NOS1AP: variants seen among roughly 807,000 people sequenced by gnomAD.
The protein encoded by NOS1AP is carboxyl-terminal PDZ ligand of neuronal nitric oxide synthase protein.
A neutral mutation model predicts 56.2 loss-of-function variants in NOS1AP; 21 were observed. The ratio of observed to expected loss-of-function variants is 0.37; its 90% CI spans 0.26 to 0.54. NOS1AP has a LOEUF of 0.54. Ranked by LOEUF, NOS1AP falls within the 20% of genes least tolerant of loss-of-function variation. The pLI, the probability that NOS1AP is intolerant of heterozygous loss-of-function variation, is 0.84. For missense variants in NOS1AP, 522 were observed against 657.8 expected (o/e 0.79, Z 2.26); for synonymous variants, 270 against 274.6 (o/e 0.98, Z 0.17).
chr1:162,264,320 G>T (rs947108624), intron 2 of NOS1AP, among the ~76,000 whole-genome samples: 1 of 151,814 alleles, frequency 6.6e-6, no homozygotes, highest in Non-Finnish European at 1.5e-5. Flanking sequence ...TTCCTTTGTA[G>T]CCTCTGTAAT....
At chr1:162,213,470 A>C (rs1652440065) in intron 2 of NOS1AP, among the ~76,000 whole-genome samples, 1 of 152,208 alleles carries the variant, frequency 6.6e-6, no homozygotes, top group South Asian at 2.1e-4. Context: ...CAAGAAGCAG[A>C]GACCTTTCAC....
chr1:162,150,653 A>G (rs1649669037), intron 1 of NOS1AP, among the ~76,000 whole-genome samples: 3 of 152,182 alleles, frequency 2.0e-5, no homozygotes, highest in Admixed American at 1.3e-4. Context: ...GATAAAAGTC[A>G]TTTTAACTGG....
chr1:162,096,373 C>T (rs902689509), intron 1 of NOS1AP, among the ~76,000 whole-genome samples: 1 of 152,068 alleles, frequency 6.6e-6, no homozygotes, highest in African/African-American at 2.4e-5. Context: ...GTAACTTTAC[C>T]AGTTGAACCA....
chr1:162,316,480 T>C (rs1656235073), intron 4 of NOS1AP, among the ~76,000 whole-genome samples: 1 of 152,198 alleles, frequency 6.6e-6, no homozygotes, highest in Admixed American at 6.5e-5. Context: ...AGTTAGCTCT[T>C]TGCTTTAGGG....
chr1:162,337,216 A>G (rs1656969907), intron 5 of NOS1AP, among the ~76,000 whole-genome samples: 1 of 152,206 alleles, frequency 6.6e-6, no homozygotes, highest in Non-Finnish European at 1.5e-5. Context: ...AGCTGCAGGC[A>G]TCTCCCCATT....
At chr1:162,076,284 C>G (rs1250126079) in intron 1 of NOS1AP, among the ~76,000 whole-genome samples, 2 of 152,280 alleles carry the variant, frequency 1.3e-5, no homozygotes, top group East Asian at 3.9e-4. Flanking sequence ...TGCCTTTTTG[C>G]CCTACCCTGC....
intron 2 of NOS1AP, among the ~76,000 whole-genome samples, chr1:162,268,420 T>C (rs1654491163): frequency 6.6e-6 from 1 of 152,284 alleles, no homozygotes; most frequent in Non-Finnish European, 1.5e-5. Flanking sequence ...TTTCTGCAAC[T>C]AGAAGGCCAG....
intron 2 of NOS1AP, among the ~76,000 whole-genome samples, chr1:162,162,667 G>A (rs1006744942): frequency 6.6e-6 from 1 of 152,004 alleles, no homozygotes; most frequent in Non-Finnish European, 1.5e-5. Flanking sequence ...AATTTGTTTT[G>A]GTTACATTAT....
At chr1:162,365,059 C>CGT (rs1438406429) in intron 8 of NOS1AP, 18 of 1,201,722 alleles carry the variant, frequency 1.5e-5, no homozygotes, top group Middle Eastern at 6.8e-4. Context: ...GAGCACCGTG[C>CGT]GTGTGTGTGT....
intron 3 of NOS1AP, 83 bp downstream of exon 3, chr1:162,287,519 C>G: frequency 1.1e-6 from 1 of 887,588 alleles, no homozygotes; most frequent in South Asian, 1.3e-5. Flanking sequence ...CTGGGCCCAC[C>G]TCCAGAGAGA....
intron 2 of NOS1AP, among the ~76,000 whole-genome samples, chr1:162,206,945 C>A (rs1652181995): frequency 6.6e-6 from 1 of 152,220 alleles, no homozygotes; most frequent in South Asian, 2.1e-4. Context: ...AGGAATTAAC[C>A]AGCACCCATT....
intron 5 of NOS1AP, among the ~76,000 whole-genome samples, chr1:162,339,569 A>G (rs1340732267): frequency 6.6e-6 from 1 of 152,194 alleles, no homozygotes; most frequent in East Asian, 1.9e-4. Context: ...GGTGGGAGCA[A>G]CTGCTTCACT....
chr1:162,308,300 A>G (rs999662411), intron 4 of NOS1AP, among the ~76,000 whole-genome samples: 1 of 152,240 alleles, frequency 6.6e-6, no homozygotes, highest in Non-Finnish European at 1.5e-5. Flanking sequence ...GGTGATCTGC[A>G]GCTGGTGAGT....
chr1:162,294,207 G>GGAAA (rs1212068259), intron 3 of NOS1AP, among the ~76,000 whole-genome samples: 3 of 150,072 alleles, frequency 2.0e-5, no homozygotes, highest in African/African-American at 7.4e-5. Context: ...AAGGAAGGAA[G>GGAAA]GAAGGAAGGA....
At position 162,328,068 on chromosome 1, in the gene NOS1AP, T is replaced by C. The variant is rs561917406; in HGVS notation, c.345-4949T>C. On this transcript the variant is annotated intron_variant, in intron 4 of 9. Coordinates refer to ENST00000361897, the MANE Select transcript of NOS1AP (RefSeq NM_014697.3). ...AGCTAGAAGATGGCAAAGCTAAGAC[T>C]TGAACCTGGATCTTTCTCATCCCCA... Among the ~76,000 whole-genome samples the C allele has an allele frequency of 2.0e-3, 302 of 152,334 alleles. 1 individual carries two copies. Among genetic ancestry groups the C allele is most frequent in the African/African-American group, 7.0e-3 (290 of 41,576 alleles).
At chr1:162,076,768 A>G (rs1691778352) in intron 1 of NOS1AP, among the ~76,000 whole-genome samples, 1 of 152,208 alleles carries the variant, frequency 6.6e-6, no homozygotes, top group Non-Finnish European at 1.5e-5. Context: ...GCGTCTTCCC[A>G]GACCTGAACA....
chr1:162,332,625 G>C (rs1274551679), intron 4 of NOS1AP, among the ~76,000 whole-genome samples: 1 of 152,200 alleles, frequency 6.6e-6, no homozygotes, highest in Non-Finnish European at 1.5e-5. Context: ...TGCATTTGGG[G>C]ATAATTGTAA....
At chr1:162,247,187 C>T (rs1299627875) in intron 2 of NOS1AP, among the ~76,000 whole-genome samples, 1 of 152,052 alleles carries the variant, frequency 6.6e-6, no homozygotes, top group African/African-American at 2.4e-5. Context: ...CAGAATTAAC[C>T]AGTGTCACCA....
chr1:162,128,898 T>A (rs1648615685), intron 1 of NOS1AP, among the ~76,000 whole-genome samples: 1 of 152,234 alleles, frequency 6.6e-6, no homozygotes, highest in South Asian at 2.1e-4. Flanking sequence ...GTTAGCCGTT[T>A]AGCTTAGTGG....
Sources: gnomAD v4.1 joint callset for allele counts (sites outside exome capture counted in the v4.1 genomes callset) on GRCh38, gnomAD v4.1.1 for gene constraint, MANE v1.5 for transcripts, NCBI Gene and HGNC (gene_info 2026-07-23, HGNC 2026-07-21) for gene names.